Variants in ARHGAP6 observed in about 807,000 individuals in gnomAD.
ARHGAP6 encodes rho GTPase-activating protein 6.
In ARHGAP6, 16 loss-of-function variants were observed where a neutral mutation model predicts 55.7. The ratio of observed to expected loss-of-function variants is 0.29; its 90% CI spans 0.19 to 0.44. The LOEUF (loss-of-function observed/expected upper bound fraction) is 0.44. Among genes scored for constraint, ARHGAP6 ranks in the 20% least tolerant of loss-of-function variants. The pLI is 1.00. For synonymous variants in ARHGAP6, 382 were observed against 360.9 expected, an observed-to-expected ratio of 1.06 and a Z score of -0.66; for missense variants, 698 against 808.9, an observed-to-expected ratio of 0.86 and a Z score of 1.66.
At chrX:11,439,736 T>A (rs9792742) in intron 1 of ARHGAP6, among the ~76,000 whole-genome samples, 10,007 of 112,126 alleles carry the variant, frequency 0.089, 523 homozygotes, top group East Asian at 0.18. Flanking sequence ...ATGCTACTGC[T>A]TTATGTATCT....
intron 1 of ARHGAP6, among the ~76,000 whole-genome samples, chrX:11,344,692 A>AG (rs1467238775): frequency 4.2e-4 from 43 of 103,293 alleles, no homozygotes; most frequent in African/African-American, 1.5e-3. Context: ...AAAAAAAAAA[A>AG]AAAAAAAAAA....
At position 11,139,392 on chromosome X, in the gene ARHGAP6, C is replaced by A. The variant is rs1421387793; in HGVS notation, c.2396G>T (p.Arg799Met). The A allele has an allele frequency of 2.1e-5, 25 of 1,184,555 alleles. No homozygotes were observed. The highest frequency in any genetic ancestry group is 2.7e-5 in the Non-Finnish European group (24 of 883,967). The change falls in exon 13 of 13, where the codon AGG becomes ATG. Residue 799 changes from arginine to methionine, a missense_variant. Arg to Met is a moderately conservative substitution (Grantham distance 91). This residue lies in a region of ARHGAP6 where 212 missense variants were observed against 208.7 expected (regional missense o/e 1.02). Transcript: ENST00000337414. Reference protein sequence around the residue: ...ELDSDTQGARRTQAAAPATEG... With the variant: ...ELDSDTQGARMTQAAAPATEG... Reference sequence around the variant, plus strand: ...CGTCGCGGGGGCTGCGGCCTGAGTCCTCCGAGCCCCCTGCGTGTCGCTGTC... The same window carrying A: ...CGTCGCGGGGGCTGCGGCCTGAGTCATCCGAGCCCCCTGCGTGTCGCTGTC...
intron 1 of ARHGAP6, among the ~76,000 whole-genome samples, chrX:11,446,647 T>TA (rs1286883475): frequency 1.8e-5 from 2 of 111,617 alleles, no homozygotes; most frequent in African/African-American, 6.5e-5. Context: ...GAAAAAAAAT[T>TA]AAAAAAACCT....
intron 1 of ARHGAP6, among the ~76,000 whole-genome samples, chrX:11,354,898 T>C (rs1352325022): frequency 8.9e-6 from 1 of 111,795 alleles, no homozygotes; most frequent in Non-Finnish European, 1.9e-5. Flanking sequence ...CTAGGAAGAA[T>C]GCATAATATA....
intron 10 of ARHGAP6, among the ~76,000 whole-genome samples, chrX:11,146,909 G>A (rs1402228352): frequency 9.0e-6 from 1 of 111,190 alleles, no homozygotes; most frequent in Non-Finnish European, 1.9e-5. Context: ...CAGAGGTCAG[G>A]AAGTGGCAGC....
intron 1 of ARHGAP6, among the ~76,000 whole-genome samples, chrX:11,454,090 C>A (rs1222383082): frequency 9.3e-6 from 1 of 107,120 alleles, no homozygotes; most frequent in African/African-American, 3.4e-5. Flanking sequence ...ACTATAGGCT[C>A]CTGCCACCAC....
intron 1 of ARHGAP6, among the ~76,000 whole-genome samples, chrX:11,388,201 C>G (rs1375996630): frequency 8.9e-6 from 1 of 112,070 alleles, no homozygotes; most frequent in Non-Finnish European, 1.9e-5. Context: ...TTCTCCACAG[C>G]CTCTCCAGCA....
Position 11,654,824 on chromosome X carries a change from A to C in ARHGAP6, c.588+9417T>G, listed in dbSNP as rs142637917. On this transcript the variant is annotated intron_variant, in intron 1 of 12. Coordinates refer to ENST00000337414, the MANE Select transcript of ARHGAP6 (RefSeq NM_013427.3). Reference sequence around the variant, plus strand: ...TATATAACTACTCTTCTACATTTATATTTATGTTTTATTGAAAACAAGATG... The same window carrying C: ...TATATAACTACTCTTCTACATTTATCTTTATGTTTTATTGAAAACAAGATG... 6.3e-3 allele frequency among the ~76,000 whole-genome samples: 708 copies of C among 112,240 alleles called. 3 individuals carry two copies. Among genetic ancestry groups the C allele is most frequent in the African/African-American group, 0.022 (677 of 30,988 alleles).
At chrX:11,578,563 C>T (rs770331750) in intron 1 of ARHGAP6, among the ~76,000 whole-genome samples, 11 of 111,746 alleles carry the variant, frequency 9.8e-5, no homozygotes, top group Middle Eastern at 4.6e-3. Flanking sequence ...GAAATAGGAA[C>T]GCTTTTACAC....
At chrX:11,203,041 T>C (rs1490568847) in intron 2 of ARHGAP6, among the ~76,000 whole-genome samples, 2 of 109,997 alleles carry the variant, frequency 1.8e-5, no homozygotes, top group Non-Finnish European at 3.8e-5. Flanking sequence ...AGGCTTGTGA[T>C]GAAGATTTAA....
intron 1 of ARHGAP6, among the ~76,000 whole-genome samples, chrX:11,340,545 C>T (rs1267540541): frequency 1.8e-5 from 2 of 110,704 alleles, no homozygotes; most frequent in Admixed American, 9.6e-5. Context: ...CTGGCTAACA[C>T]GGTGAAACCC....
chrX:11,483,238 A>T (rs192103962), intron 1 of ARHGAP6, among the ~76,000 whole-genome samples: 1 of 111,959 alleles, frequency 8.9e-6, no homozygotes. Flanking sequence ...AAGAGGCAGG[A>T]ACCTTTGGTT....
intron 1 of ARHGAP6, among the ~76,000 whole-genome samples, chrX:11,365,035 G>A (rs1432027508): frequency 9.0e-6 from 1 of 111,678 alleles, no homozygotes; most frequent in Non-Finnish European, 1.9e-5. Flanking sequence ...CATTGTCACA[G>A]CATGTGGCCC....
At chrX:11,611,707 T>G (rs2052104134) in intron 1 of ARHGAP6, among the ~76,000 whole-genome samples, 1 of 111,933 alleles carries the variant, frequency 8.9e-6, no homozygotes, top group Non-Finnish European at 1.9e-5. Flanking sequence ...CAATAGCCTG[T>G]CTCACTCCTT....
At chrX:11,245,314 G>C (rs1369655012) in intron 2 of ARHGAP6, among the ~76,000 whole-genome samples, 3 of 111,683 alleles carry the variant, frequency 2.7e-5, no homozygotes, top group Non-Finnish European at 3.8e-5. Flanking sequence ...TCTCCTTCAG[G>C]TTGCATAACC....
chrX:11,498,435 AAAG>A (rs1490082470), intron 1 of ARHGAP6, among the ~76,000 whole-genome samples: 1 of 112,125 alleles, frequency 8.9e-6, no homozygotes, highest in African/African-American at 3.2e-5. Flanking sequence ...CCAGATGACT[AAAG>A]AAGGAGGAGT....
At chrX:11,614,641 C>T (rs1246725950) in intron 1 of ARHGAP6, among the ~76,000 whole-genome samples, 3 of 111,729 alleles carry the variant, frequency 2.7e-5, no homozygotes, top group Non-Finnish European at 5.6e-5. Context: ...TAAACCATAT[C>T]ACCCTGAAAC....
At chrX:11,361,237 T>C (rs2049006435) in intron 1 of ARHGAP6, among the ~76,000 whole-genome samples, 1 of 109,517 alleles carries the variant, frequency 9.1e-6, no homozygotes, top group African/African-American at 3.3e-5. Flanking sequence ...GGCATCATGC[T>C]ACCTGACTTC....
chrX:11,351,322 T>C, intron 1 of ARHGAP6: 1 of 937,758 alleles, frequency 1.1e-6, no homozygotes, highest in East Asian at 7.9e-5. Flanking sequence ...CAAGAGCTAC[T>C]ATATTAAAAT....
Sources: allele counts gnomAD v4.1 joint callset (sites outside exome capture counted in the v4.1 genomes callset), GRCh38; gene constraint gnomAD v4.1.1; regional missense constraint gnomAD v4.1.1; transcripts MANE v1.5; gene names NCBI Gene and HGNC (gene_info 2026-07-23, HGNC 2026-07-21).